Variants in LRFN5 observed in about 807,000 individuals in gnomAD.
The protein encoded by LRFN5 is leucine rich repeat and fibronectin type III domain containing 5.
In LRFN5, 24 loss-of-function variants were observed where a neutral mutation model predicts 45.6. The observed-to-expected ratio is 0.53, with a 90% CI of 0.38 to 0.74. The LOEUF is 0.74. Ranked by LOEUF, LRFN5 falls within the 30% of genes least tolerant of loss-of-function variation. LRFN5 has a pLI of 0.00. For synonymous variants in LRFN5, 340 were observed against 313.8 expected (o/e 1.08, Z -0.88); for missense variants, 776 against 861.5 (o/e 0.90, Z 1.24).
chr14:41,885,833 A>G (rs549126381), intron 2 of LRFN5, among the ~76,000 whole-genome samples: 1 of 151,998 alleles, frequency 6.6e-6, no homozygotes, highest in South Asian at 2.1e-4. Context: ...CCAGCCCAAC[A>G]TGACAAACCC....
At chr14:41,776,423 A>G (rs1239977826) in intron 2 of LRFN5, among the ~76,000 whole-genome samples, 2 of 152,094 alleles carry the variant, frequency 1.3e-5, no homozygotes, top group Admixed American at 6.6e-5. Context: ...GTGTGGGTTT[A>G]TGGGCATTCT....
At chr14:41,735,898 T>A (rs996864003) in intron 1 of LRFN5, among the ~76,000 whole-genome samples, 2 of 152,150 alleles carry the variant, frequency 1.3e-5, no homozygotes, top group African/African-American at 4.8e-5. Context: ...GAATGATGGT[T>A]TCCAGCTTCA....
chr14:41,849,369 A>G (rs1358589234), intron 2 of LRFN5, among the ~76,000 whole-genome samples: 2 of 151,814 alleles, frequency 1.3e-5, no homozygotes, highest in Non-Finnish European at 2.9e-5. Flanking sequence ...AATCCAAAAC[A>G]CAGTTTTGAC....
chr14:41,898,665 G>C (rs1317693515), intron 4 of LRFN5, among the ~76,000 whole-genome samples: 5 of 151,860 alleles, frequency 3.3e-5, no homozygotes, highest in African/African-American at 1.2e-4. Context: ...ACTCATTTTA[G>C]TTATTAGAAT....
intron 2 of LRFN5, among the ~76,000 whole-genome samples, chr14:41,885,155 CAA>C (rs56318694): frequency 2.3e-5 from 3 of 129,486 alleles, no homozygotes; most frequent in African/African-American, 2.9e-5. Flanking sequence ...CCTGTCTCTA[CAA>C]AAAAAAAAAA....
chr14:41,867,820 A>G (rs1213158727), intron 2 of LRFN5, among the ~76,000 whole-genome samples: 2 of 151,550 alleles, frequency 1.3e-5, no homozygotes, highest in African/African-American at 4.8e-5. Flanking sequence ...CTTCCCTCAT[A>G]TCCTCCCTCT....
intron 4 of LRFN5, chr14:41,894,195 C>T (rs1890868487): frequency 1.0e-6 from 1 of 985,036 alleles, no homozygotes; most frequent in Non-Finnish European, 1.2e-6. Flanking sequence ...TAAGGATGCT[C>T]TGAAATCATG....
rs1891184818 is a variant in LRFN5, at chr14:41,904,191, C to T, written c.*16C>T. On this transcript the variant is annotated 3_prime_UTR_variant, in exon 6 of 6. Coordinates refer to ENST00000298119, the MANE Select transcript of LRFN5 (RefSeq NM_152447.5). ...GTTAATCTGAAGAGCACCACTTCTC[C>T]TCTCTCTCCTGAAAAAATTTGCCAC... is the stretch of plus-strand genomic sequence containing the variant. 1.2e-6 allele frequency: 2 copies of T among 1,606,452 alleles called. No individual in the cohort carries two copies. The highest frequency in any genetic ancestry group is 1.4e-5 in the African/African-American group (1 of 72,710).
intron 1 of LRFN5, among the ~76,000 whole-genome samples, chr14:41,741,544 T>C (rs775190313): frequency 9.9e-5 from 15 of 151,644 alleles, no homozygotes; most frequent in Non-Finnish European, 1.9e-4. Context: ...TGAGAATTAA[T>C]TCAAAACGGA....
At chr14:41,834,379 G>C (rs557745744) in intron 2 of LRFN5, among the ~76,000 whole-genome samples, 3 of 152,162 alleles carry the variant, frequency 2.0e-5, no homozygotes, top group Non-Finnish European at 1.5e-5. Context: ...GTTTTTTAGA[G>C]CTAAACTCAA....
At position 41,886,602 on chromosome 14, in the gene LRFN5, A is replaced by G. The variant is rs1271265259; in HGVS notation, c.-20-4A>G. ...AACATTCTATTTTGTGTCTTCCGTT[A>G]CAGGCTCTTAAACCTGATCTACAAT... On this transcript the variant is annotated splice_region_variant and splice_polypyrimidine_tract_variant and intron_variant, in intron 2 of 5. Transcript: ENST00000298119. 2 of 1,524,658 alleles carry G rather than the reference A, an allele frequency of 1.3e-6. No individual in the cohort carries two copies. The highest frequency in any genetic ancestry group is 1.8e-6 in the Non-Finnish European group (2 of 1,136,946). The allele number at this position is 1,524,658 out of a possible 1,614,324, so 94.4% of individuals were successfully genotyped here.
intron 2 of LRFN5, among the ~76,000 whole-genome samples, chr14:41,851,641 A>G (rs1266095251): frequency 1.3e-5 from 2 of 151,862 alleles, no homozygotes; most frequent in Non-Finnish European, 2.9e-5. Flanking sequence ...TGTTCAAAAC[A>G]AGGTTATTTA....
chr14:41,711,654 G>A (rs542059124), intron 1 of LRFN5, among the ~76,000 whole-genome samples: 1 of 152,246 alleles, frequency 6.6e-6, no homozygotes, highest in African/African-American at 2.4e-5. Context: ...ATAGCTTGCA[G>A]AAGCAATCAC....
At chr14:41,760,229 C>T (rs1483397132) in intron 1 of LRFN5, among the ~76,000 whole-genome samples, 3 of 152,132 alleles carry the variant, frequency 2.0e-5, no homozygotes, top group Non-Finnish European at 4.4e-5. Context: ...TTCTCTCCCT[C>T]ATCCATAAAT....
intron 2 of LRFN5, among the ~76,000 whole-genome samples, chr14:41,780,556 A>T (rs1886445120): frequency 6.6e-6 from 1 of 151,862 alleles, no homozygotes; most frequent in African/African-American, 2.4e-5. Flanking sequence ...TTTAGTTTTA[A>T]TCAATGTGTT....
chr14:41,610,660 G>GAAAAAA (rs1566586963), intron 1 of LRFN5, among the ~76,000 whole-genome samples: 2 of 10,512 alleles, frequency 1.9e-4, no homozygotes, highest in African/African-American at 1.1e-3. Context: ...CCCAGGGAAG[G>GAAAAAA]TAAAAAAAAA....
chr14:41,861,833 T>C (rs1268661552), intron 2 of LRFN5, among the ~76,000 whole-genome samples: 1 of 152,158 alleles, frequency 6.6e-6, no homozygotes, highest in Non-Finnish European at 1.5e-5. Flanking sequence ...AGAAAAAGAC[T>C]ATTGCCAACA....
intron 1 of LRFN5, among the ~76,000 whole-genome samples, chr14:41,746,693 A>G (rs1408304859): frequency 2.0e-5 from 3 of 151,962 alleles, no homozygotes; most frequent in Non-Finnish European, 4.4e-5. Context: ...TAGGCACTCC[A>G]AATGTGTAAA....
At position 41,822,134 on chromosome 14, in the gene LRFN5, G is replaced by T. The variant is rs569582707; in HGVS notation, c.-21+55105G>T. Among the ~76,000 whole-genome samples, 292 of 151,578 alleles carry T rather than the reference G, an allele frequency of 1.9e-3. 2 individuals are homozygous for T. Among genetic ancestry groups the T allele is most frequent in the Non-Finnish European group, 3.5e-3 (236 of 67,758 alleles). On this transcript the variant is annotated intron_variant, in intron 2 of 5. Transcript: ENST00000298119. ...ATACTTATCATTTTGTTGATTATTT[G>T]TATTTTTCATCTCAATTTTATTGAA... is the stretch of plus-strand genomic sequence containing the variant.
Sources: allele counts gnomAD v4.1 joint callset (sites outside exome capture counted in the v4.1 genomes callset), GRCh38; gene constraint gnomAD v4.1.1; transcripts MANE v1.5; gene names NCBI Gene and HGNC (gene_info 2026-07-23, HGNC 2026-07-21).